Variants in CNTNAP5 observed in about 807,000 individuals in gnomAD.
CNTNAP5 encodes contactin associated protein family member 5.
Under a neutral mutation model 150.2 loss-of-function variants are expected in CNTNAP5, and 72 were observed. The ratio of observed to expected loss-of-function variants is 0.48; its 90% CI spans 0.40 to 0.58. The LOEUF (loss-of-function observed/expected upper bound fraction) is 0.58, where lower values mean the gene tolerates loss of function less well. Among genes scored for constraint, CNTNAP5 ranks in the 20% least tolerant of loss-of-function variants. The probability of loss-of-function intolerance (pLI) is 0.00; values close to 1 mark genes in which losing one functional copy is unlikely to be tolerated. For synonymous variants in CNTNAP5, 672 were observed against 619.8 expected (o/e 1.08, Z -1.25); for missense variants, 1,636 against 1,626.2 (o/e 1.01, Z -0.10).
intron 13 of CNTNAP5, among the ~76,000 whole-genome samples, chr2:124,723,536 C>A (rs764186814): frequency 4.6e-5 from 7 of 152,198 alleles, no homozygotes; most frequent in Non-Finnish European, 8.8e-5. Context: ...CTGCACCACA[C>A]TTCCCTGTAT....
chr2:124,674,357 T>TTCCC (rs1224291248), intron 13 of CNTNAP5, among the ~76,000 whole-genome samples: 4 of 107,908 alleles, frequency 3.7e-5, no homozygotes, highest in African/African-American at 1.4e-4. Context: ...CCCTCCCTTC[T>TTCCC]TCCCTCCCTC....
intron 19 of CNTNAP5, among the ~76,000 whole-genome samples, chr2:124,825,166 A>G (rs1282222768): frequency 2.0e-5 from 3 of 152,092 alleles, no homozygotes; most frequent in Admixed American, 6.6e-5. Flanking sequence ...GCATTCTGCT[A>G]TGGTCTATCT....
intron 1 of CNTNAP5, among the ~76,000 whole-genome samples, chr2:124,113,470 C>A (rs79870121): frequency 6.7e-6 from 1 of 150,210 alleles, no homozygotes; most frequent in East Asian, 2.0e-4. Context: ...ATTTGAATGT[C>A]TATATTGTAT....
intron 19 of CNTNAP5, among the ~76,000 whole-genome samples, chr2:124,854,326 A>G (rs17012068): frequency 0.21 from 32,540 of 151,888 alleles, 4,592 homozygotes; most frequent in African/African-American, 0.4. Flanking sequence ...ATACATCTGC[A>G]CTCCTTGGTT....
intron 4 of CNTNAP5, among the ~76,000 whole-genome samples, chr2:124,430,532 T>C (rs1406204810): frequency 6.6e-6 from 1 of 151,872 alleles, no homozygotes; most frequent in East Asian, 1.9e-4. Flanking sequence ...GAACAGAAGA[T>C]GAGGTGGGAG....
At chr2:124,287,335 G>A (rs773787098) in intron 3 of CNTNAP5, among the ~76,000 whole-genome samples, 2 of 152,116 alleles carry the variant, frequency 1.3e-5, no homozygotes, top group Non-Finnish European at 2.9e-5. Flanking sequence ...AGTATGCCGG[G>A]TGCTAACCAA....
intron 1 of CNTNAP5, among the ~76,000 whole-genome samples, chr2:124,187,234 G>A (rs1558792510): frequency 6.6e-6 from 1 of 152,184 alleles, no homozygotes; most frequent in Non-Finnish European, 1.5e-5. Flanking sequence ...ACATGATTAT[G>A]CTTTGGTTAT....
At chr2:124,884,480 A>T (rs1232650372) in intron 21 of CNTNAP5, among the ~76,000 whole-genome samples, 3 of 152,002 alleles carry the variant, frequency 2.0e-5, no homozygotes, top group Non-Finnish European at 4.4e-5. Context: ...GGCTTTACTC[A>T]TGCTTCTGAT....
intron 3 of CNTNAP5, among the ~76,000 whole-genome samples, chr2:124,325,563 C>A (rs1689195159): frequency 6.6e-6 from 1 of 152,062 alleles, no homozygotes; most frequent in Non-Finnish European, 1.5e-5. Context: ...ATAAGATAAA[C>A]TGGTAGAAAG....
chr2:124,663,414 G>A (rs143840957), intron 13 of CNTNAP5, among the ~76,000 whole-genome samples: 47 of 152,264 alleles, frequency 3.1e-4, no homozygotes, highest in African/African-American at 1.1e-3. Context: ...AAATATTTCT[G>A]TGAATGCATC....
rs540759953 is a variant in CNTNAP5, at chr2:124,723,103, T to C, written c.2078-24126T>C. Among the ~76,000 whole-genome samples, 3 of 152,318 alleles carry C rather than the reference T, an allele frequency of 2.0e-5. No homozygotes were observed. The East Asian group carries it at 5.8e-4, about 29-fold the overall frequency. ...TTGGCAATATGGACAGGCTGATACTTTTACAAATCATGAAGTTCTTGTTTC... is the reference window on the plus strand; with the variant it reads ...TTGGCAATATGGACAGGCTGATACTCTTACAAATCATGAAGTTCTTGTTTC... On this transcript the variant is annotated intron_variant, in intron 13 of 23. Transcript: ENST00000682447.
At chr2:124,630,815 C>T (rs1028632422) in intron 12 of CNTNAP5, among the ~76,000 whole-genome samples, 2 of 152,072 alleles carry the variant, frequency 1.3e-5, no homozygotes, top group African/African-American at 4.8e-5. Context: ...AATCCTGTAT[C>T]TAGAAAACCC....
intron 3 of CNTNAP5, among the ~76,000 whole-genome samples, chr2:124,403,117 A>C: frequency 6.6e-6 from 1 of 152,200 alleles, no homozygotes; most frequent in African/African-American, 2.4e-5. Flanking sequence ...CCTTAACTTT[A>C]GTTTGTACTC....
chr2:124,025,988 A>G (rs1293715903), intron 1 of CNTNAP5, among the ~76,000 whole-genome samples: 1 of 152,008 alleles, frequency 6.6e-6, no homozygotes, highest in East Asian at 1.9e-4. Flanking sequence ...TCTTCCCTTA[A>G]CCTCCTGCTA....
At chr2:124,886,807 T>G (rs976662285) in intron 21 of CNTNAP5, among the ~76,000 whole-genome samples, 2 of 152,142 alleles carry the variant, frequency 1.3e-5, no homozygotes, top group African/African-American at 2.4e-5. Context: ...GAGGCATAGT[T>G]CCTTACCTTT....
At chr2:124,694,994 TTGTGTG>T (rs138349590) in intron 13 of CNTNAP5, among the ~76,000 whole-genome samples, 4 of 150,204 alleles carry the variant, frequency 2.7e-5, no homozygotes, top group Non-Finnish European at 4.4e-5. Context: ...ATTTCCTAAA[TTGTGTG>T]TGTGTGTGTG....
intron 10 of CNTNAP5, among the ~76,000 whole-genome samples, chr2:124,533,189 A>T (rs1313624185): frequency 6.6e-6 from 1 of 152,152 alleles, no homozygotes; most frequent in Non-Finnish European, 1.5e-5. Flanking sequence ...TCTCAAGATC[A>T]GGACTAGAAT....
chr2:124,883,644 G>T (rs560285736), intron 21 of CNTNAP5, among the ~76,000 whole-genome samples: 1 of 152,162 alleles, frequency 6.6e-6, no homozygotes, highest in Non-Finnish European at 1.5e-5. Context: ...CCTGGTACAG[G>T]TATGTATGTG....
chr2:124,751,656 A>G (rs929588163), intron 14 of CNTNAP5, among the ~76,000 whole-genome samples: 1 of 152,194 alleles, frequency 6.6e-6, no homozygotes, highest in East Asian at 1.9e-4. Context: ...ACCTCTTTTT[A>G]TATCAGTGGT....
Sources: allele counts gnomAD v4.1 joint callset (sites outside exome capture counted in the v4.1 genomes callset), GRCh38; gene constraint gnomAD v4.1.1; transcripts MANE v1.5; gene names NCBI Gene and HGNC (gene_info 2026-07-23, HGNC 2026-07-21).